The following VWA3B variants were observed in gnomAD, a reference collection of about 807,000 sequenced individuals.
The protein encoded by VWA3B is von Willebrand factor A domain containing 3B.
In VWA3B, 138 loss-of-function variants were observed where a neutral mutation model predicts 158.3. The ratio of observed to expected loss-of-function variants is 0.87; its 90% CI spans 0.76 to 1.00. VWA3B has a LOEUF of 1.00. Ranked by LOEUF, VWA3B falls within the 50% of genes least tolerant of loss-of-function variation. The pLI is 0.00. For synonymous variants in VWA3B, 596 were observed against 587.3 expected (o/e 1.01, Z -0.21); for missense variants, 1,555 against 1,565.1 (o/e 0.99, Z 0.11).
At chr2:98,268,866 A>C (rs1688029271) in intron 21 of VWA3B, among the ~76,000 whole-genome samples, 1 of 152,116 alleles carries the variant, frequency 6.6e-6, no homozygotes, top group Non-Finnish European at 1.5e-5. Context: ...GGTTTAAAGT[A>C]ATCCTGTAAC....
intron 2 of VWA3B, among the ~76,000 whole-genome samples, chr2:98,105,820 C>T (rs141464170): frequency 6.6e-6 from 1 of 152,174 alleles, no homozygotes; most frequent in African/African-American, 2.4e-5. Flanking sequence ...TAAGTGACTA[C>T]CCTTCCTACT....
At position 98,181,062 on chromosome 2, in the gene VWA3B, C is replaced by T; in HGVS notation, c.1161C>T (p.Thr387=). ...AGATTGCATCGAATCCAGAAGACACCTGGGACTCTAAGACATGGCTGCAGA... is the reference window on the plus strand; with the variant it reads ...AGATTGCATCGAATCCAGAAGACACTTGGGACTCTAAGACATGGCTGCAGA... The part of the protein sequence containing the change: ...SVEIASNPED[T]WDSKTWLQKY... Residue 387 remains threonine, a synonymous_variant, in exon 9 of 28, where the codon ACC becomes ACT. Coordinates refer to ENST00000477737, the MANE Select transcript of VWA3B (RefSeq NM_144992.5). 1 of 1,614,198 alleles carries T rather than the reference C, an allele frequency of 6.2e-7. No individual in the cohort carries two copies. The highest frequency in any genetic ancestry group is 1.3e-5 in the African/African-American group (1 of 75,040).
intron 21 of VWA3B, among the ~76,000 whole-genome samples, chr2:98,266,160 G>A (rs1439682908): frequency 6.0e-5 from 9 of 149,758 alleles, no homozygotes; most frequent in African/African-American, 2.0e-4. Flanking sequence ...TTTTCTTCTA[G>A]GGTTTTTATG....
At chr2:98,239,358 C>T (rs944805044) in intron 19 of VWA3B, among the ~76,000 whole-genome samples, 1 of 151,324 alleles carries the variant, frequency 6.6e-6, no homozygotes, top group Admixed American at 6.6e-5. Context: ...AATGAAATAT[C>T]GTGCTAAATG....
chr2:98,203,127 G>A (rs1362007711), intron 12 of VWA3B, among the ~76,000 whole-genome samples: 8 of 152,140 alleles, frequency 5.3e-5, no homozygotes, highest in East Asian at 1.9e-4. Flanking sequence ...CACCACACCC[G>A]GCCGGTTTAT....
At chr2:98,286,088 A>T (rs1445855014) in intron 22 of VWA3B, among the ~76,000 whole-genome samples, 2 of 151,812 alleles carry the variant, frequency 1.3e-5, no homozygotes, top group Admixed American at 6.6e-5. Flanking sequence ...TTGCTAATAC[A>T]TAGAAATACA....
chr2:98,286,021 T>C (rs1467477207), intron 22 of VWA3B, among the ~76,000 whole-genome samples: 1 of 152,126 alleles, frequency 6.6e-6, no homozygotes, highest in Non-Finnish European at 1.5e-5. Flanking sequence ...CTAAATATAT[T>C]CTTTTTTGAT....
At chr2:98,145,268 G>T (rs1262510946) in intron 7 of VWA3B, among the ~76,000 whole-genome samples, 13 of 152,004 alleles carry the variant, frequency 8.6e-5, no homozygotes, top group Admixed American at 8.5e-4. Flanking sequence ...TTTTAAATTG[G>T]ACAAATATAT....
intron 10 of VWA3B, among the ~76,000 whole-genome samples, chr2:98,191,237 A>G (rs971068711): frequency 6.6e-6 from 1 of 151,912 alleles, no homozygotes; most frequent in Non-Finnish European, 1.5e-5. Context: ...TTTATACTTT[A>G]CCTTTTTGAC....
intron 7 of VWA3B, among the ~76,000 whole-genome samples, chr2:98,138,665 T>C (rs1193917836): frequency 6.6e-6 from 1 of 152,226 alleles, no homozygotes; most frequent in Non-Finnish European, 1.5e-5. Flanking sequence ...ATTACTCACC[T>C]GCGTGAGGGT....
chr2:98,270,962 C>G, intron 22 of VWA3B, 79 bp downstream of exon 22: 1 of 1,387,738 alleles, frequency 7.2e-7, no homozygotes, highest in East Asian at 2.3e-5. Flanking sequence ...TGGCTTCCTT[C>G]TCTGTCTCCC....
intron 23 of VWA3B, among the ~76,000 whole-genome samples, chr2:98,297,052 T>C (rs555754601): frequency 2.6e-5 from 4 of 151,732 alleles, no homozygotes; most frequent in African/African-American, 9.6e-5. Flanking sequence ...TCCTTTAGTA[T>C]AACAAAAAAA....
At chr2:98,103,881 A>G (rs930041904) in intron 2 of VWA3B, among the ~76,000 whole-genome samples, 1 of 152,102 alleles carries the variant, frequency 6.6e-6, no homozygotes, top group Non-Finnish European at 1.5e-5. Flanking sequence ...TTGTTTATGT[A>G]TTTTGAAGTT....
intron 8 of VWA3B, among the ~76,000 whole-genome samples, chr2:98,173,058 A>T (rs1192041409): frequency 6.6e-6 from 1 of 152,220 alleles, no homozygotes; most frequent in Non-Finnish European, 1.5e-5. Context: ...AGTGTACTAG[A>T]TGAAGACTAT....
At position 98,181,157 on chromosome 2, in the gene VWA3B, A is replaced by G; in HGVS notation, c.1256A>G (p.Asp419Gly). ...VLADCSFRHA[D>G]GVVDIKAKPE... ...GCCGACTGCTCTTTCCGCCACGCTG[A>G]TGGGGTTGTGGATATAAAAGCCAAA... Residue 419 changes from aspartate (D) to glycine (G), a missense_variant, in exon 9 of 28, where the codon GAT becomes GGT. Coordinates refer to ENST00000477737, the MANE Select transcript of VWA3B (RefSeq NM_144992.5). 1.2e-6 allele frequency: 2 copies of G among 1,614,224 alleles called. No homozygotes were observed. The highest frequency in any genetic ancestry group is 2.2e-5 in the East Asian group (1 of 44,880).
In VWA3B at chr2:98,141,804, C is replaced by T. The variant is rs372514833; in HGVS notation, c.988+7865C>T. 4.1e-4 allele frequency among the ~76,000 whole-genome samples: 63 copies of T among 152,224 alleles called. No homozygotes were observed. The South Asian group carries it at 0.013, about 32-fold the overall frequency. On this transcript the variant is annotated intron_variant, in intron 7 of 27. Coordinates refer to ENST00000477737, the MANE Select transcript of VWA3B (RefSeq NM_144992.5). ...TGTTCTCCAAGTCAGCAGTGACTTC[C>T]AGGAGGCCACACCCCTCTCTGCCCA...
At chr2:98,196,878 A>G (rs1426626939) in intron 12 of VWA3B, among the ~76,000 whole-genome samples, 2 of 152,232 alleles carry the variant, frequency 1.3e-5, no homozygotes, top group African/African-American at 4.8e-5. Flanking sequence ...AAAAGTTGCA[A>G]AAGTAGTACG....
chr2:98,186,008 G>A (rs2105376709), intron 9 of VWA3B, among the ~76,000 whole-genome samples: 1 of 152,182 alleles, frequency 6.6e-6, no homozygotes, highest in Admixed American at 6.5e-5. Flanking sequence ...CCTGGGAGCT[G>A]CTGTCATCAG....
intron 12 of VWA3B, among the ~76,000 whole-genome samples, chr2:98,199,938 C>T (rs780952228): frequency 1.6e-4 from 25 of 152,090 alleles, no homozygotes; most frequent in Non-Finnish European, 3.2e-4. Flanking sequence ...AACTGTTTCC[C>T]AATGTGGCTG....
Sources: allele counts gnomAD v4.1 joint callset (sites outside exome capture counted in the v4.1 genomes callset), GRCh38; gene constraint gnomAD v4.1.1; transcripts MANE v1.5; gene names NCBI Gene and HGNC (gene_info 2026-07-23, HGNC 2026-07-21).